The following ANAPC10 variants were observed in gnomAD, a reference collection of about 807,000 sequenced individuals.
ANAPC10 encodes anaphase promoting complex subunit 10.
Under a neutral mutation model 22.0 loss-of-function variants are expected in ANAPC10, and 12 were observed. That is an observed-to-expected ratio of 0.55 (90% CI 0.35 to 0.88). The LOEUF is 0.88. Among genes scored for constraint, ANAPC10 ranks in the 40% least tolerant of loss-of-function variants. The probability of loss-of-function intolerance (pLI) is 0.01; values close to 1 mark genes in which losing one functional copy is unlikely to be tolerated. For missense variants in ANAPC10, 188 were observed against 220.9 expected, an observed-to-expected ratio of 0.85 and a Z score of 0.94; for synonymous variants, 65 against 69.5, an observed-to-expected ratio of 0.94 and a Z score of 0.32.
intron 4 of ANAPC10, among the ~76,000 whole-genome samples, chr4:145,026,389 C>T (rs1736661481): frequency 6.6e-6 from 1 of 151,966 alleles, no homozygotes. Flanking sequence ...TAAGTGATTA[C>T]ATAGCATATA....
chr4:145,010,698 T>C (rs1734165498), intron 4 of ANAPC10, among the ~76,000 whole-genome samples: 3 of 151,812 alleles, frequency 2.0e-5, no homozygotes, highest in Admixed American at 2.0e-4. Context: ...GGGGGAGGGA[T>C]AGCATTAGGA....
At chr4:145,039,065 G>T (rs1235240174) in intron 4 of ANAPC10, among the ~76,000 whole-genome samples, 1 of 44,620 alleles carries the variant, frequency 2.2e-5, no homozygotes, top group Non-Finnish European at 3.8e-5. Flanking sequence ...AAACCTATAA[G>T]AAGCAGGCAA....
chr4:145,026,924 T>TATAC (rs1299329774), intron 4 of ANAPC10, among the ~76,000 whole-genome samples: 27 of 11,492 alleles, frequency 2.3e-3, no homozygotes, highest in African/African-American at 6.9e-3. Flanking sequence ...TACATACATA[T>TATAC]ATATATATAT....
chr4:145,000,884 G>A (rs1194664237), intron 4 of ANAPC10, among the ~76,000 whole-genome samples: 3 of 152,104 alleles, frequency 2.0e-5, no homozygotes, highest in Non-Finnish European at 2.9e-5. Context: ...ATGAGTTCAT[G>A]TCCTTTGCAG....
At chr4:145,000,273 C>T (rs1229852311) in intron 4 of ANAPC10, among the ~76,000 whole-genome samples, 3 of 151,864 alleles carry the variant, frequency 2.0e-5, no homozygotes, top group Admixed American at 1.3e-4. Flanking sequence ...GCAAAAAAGG[C>T]AACCTAAAGA....
intron 2 of ANAPC10, among the ~76,000 whole-genome samples, chr4:145,085,420 T>C (rs1746721790): frequency 1.3e-5 from 2 of 152,144 alleles, no homozygotes; most frequent in South Asian, 4.2e-4. Flanking sequence ...TTCTATTGAT[T>C]AAAAGGTTTT....
intron 4 of ANAPC10, among the ~76,000 whole-genome samples, chr4:145,003,107 C>G (rs1732825733): frequency 6.6e-6 from 1 of 152,082 alleles, no homozygotes; most frequent in Non-Finnish European, 1.5e-5. Context: ...AAAGTGAGAT[C>G]ATGCAGTATA....
chr4:145,086,034 A>G (rs1560932319), intron 2 of ANAPC10, among the ~76,000 whole-genome samples: 1 of 152,116 alleles, frequency 6.6e-6, no homozygotes, highest in Admixed American at 6.5e-5. Flanking sequence ...TTCAAAAAAT[A>G]AAAGTCTAAA....
rs1231776456 is a variant in ANAPC10 at position 144,995,139 on chromosome 4, A to G, written c.*234T>C. The G allele has an allele frequency of 3.4e-6, 1 of 293,370 alleles. No individual in the cohort carries two copies. The highest frequency in any genetic ancestry group is 2.2e-5 in the African/African-American group (1 of 45,696). The allele number at this position is 293,370 out of a possible 1,614,324, so 18.2% of individuals were successfully genotyped here. A position where few individuals can be genotyped will look rare whatever the true frequency, so the allele number is the denominator to read the frequency against. On this transcript the variant is annotated 3_prime_UTR_variant, in exon 5 of 5. Coordinates refer to ENST00000507656, the MANE Select transcript of ANAPC10 (RefSeq NM_001256706.2). ...TTCTTTTGATACAAGGGAAAATAAA[A>G]TGATTGGCTTCAAATCCATTTTTAG...
chr4:145,016,028 A>T (rs1038167478), intron 4 of ANAPC10, among the ~76,000 whole-genome samples: 1 of 152,160 alleles, frequency 6.6e-6, no homozygotes, highest in Non-Finnish European at 1.5e-5. Flanking sequence ...GAATGGGCAA[A>T]AACTGGAAGC....
intron 4 of ANAPC10, among the ~76,000 whole-genome samples, chr4:145,061,027 C>T (rs1170713454): frequency 6.6e-6 from 1 of 152,010 alleles, no homozygotes; most frequent in Non-Finnish European, 1.5e-5. Context: ...AATTGTAGTT[C>T]CTGAGTGAGA....
intron 4 of ANAPC10, chr4:145,035,005 G>A (rs1200095211): frequency 6.6e-6 from 1 of 152,480 alleles, no homozygotes; most frequent in East Asian, 1.9e-4. Flanking sequence ...CATTCTCATG[G>A]ACACCTGTGG....
chr4:145,024,371 T>C (rs1360401755), intron 4 of ANAPC10, among the ~76,000 whole-genome samples: 1 of 152,212 alleles, frequency 6.6e-6, no homozygotes, highest in Non-Finnish European at 1.5e-5. Context: ...CAATTTACTT[T>C]GCCCAGTTCC....
intron 4 of ANAPC10, among the ~76,000 whole-genome samples, chr4:144,998,353 T>G (rs570470475): frequency 6.6e-6 from 1 of 152,142 alleles, no homozygotes; most frequent in East Asian, 1.9e-4. Context: ...TCAGCAAATA[T>G]AAAAGAACAG....
intron 2 of ANAPC10, among the ~76,000 whole-genome samples, chr4:145,087,578 A>C (rs1464272656): frequency 6.6e-6 from 1 of 152,212 alleles, no homozygotes. Flanking sequence ...GTGGCTATAT[A>C]CATTTAAACG....
intron 2 of ANAPC10, among the ~76,000 whole-genome samples, chr4:145,093,436 A>C (rs1280533993): frequency 1.3e-5 from 2 of 152,024 alleles, no homozygotes; most frequent in African/African-American, 2.4e-5. Context: ...CATATTTGGC[A>C]CTCAATAAAA....
intron 4 of ANAPC10, chr4:145,033,268 C>G (rs145148267): frequency 2.9e-4 from 44 of 153,688 alleles, no homozygotes; most frequent in African/African-American, 9.9e-4. Context: ...ATGGTACCAC[C>G]ATCACCCCTG....
chr4:145,022,923 T>G (rs1431356584), intron 4 of ANAPC10, among the ~76,000 whole-genome samples: 1 of 152,070 alleles, frequency 6.6e-6, no homozygotes, highest in African/African-American at 2.4e-5. Context: ...GTGCACAACA[T>G]GCAGGTTTGT....
chr4:145,013,238 TAAGA>T (rs1350993549), intron 4 of ANAPC10, among the ~76,000 whole-genome samples: 1 of 152,092 alleles, frequency 6.6e-6, no homozygotes, highest in Non-Finnish European at 1.5e-5. Flanking sequence ...AAGGATAGTA[TAAGA>T]AAGAACCTTT....
Sources: allele counts gnomAD v4.1 joint callset (sites outside exome capture counted in the v4.1 genomes callset), GRCh38; gene constraint gnomAD v4.1.1; transcripts MANE v1.5; gene names NCBI Gene and HGNC (gene_info 2026-07-23, HGNC 2026-07-21).